Variants in GRIK4 observed in about 807,000 individuals in gnomAD.
The protein encoded by GRIK4 is glutamate receptor ionotropic, kainate 4.
Under a neutral mutation model 104.9 loss-of-function variants are expected in GRIK4, and 40 were observed. That is an observed-to-expected ratio of 0.38 (90% CI 0.30 to 0.50). The LOEUF is 0.50. Among genes scored for constraint, GRIK4 ranks in the 20% least tolerant of loss-of-function variants. The pLI is 0.93. For synonymous variants in GRIK4, 485 were observed against 524.9 expected, an observed-to-expected ratio of 0.92 and a Z score of 1.04; for missense variants, 1,047 against 1,308.1, an observed-to-expected ratio of 0.80 and a Z score of 3.08.
At chr11:120,808,157 T>C (rs565254517) in intron 4 of GRIK4, among the ~76,000 whole-genome samples, 10 of 152,130 alleles carry the variant, frequency 6.6e-5, no homozygotes, top group East Asian at 3.9e-4. Context: ...AGAGTGTACA[T>C]AGGGGCAGAG....
chr11:120,876,434 TGTCATCACCACCACCACCATTGTC>T (rs1954821636), intron 11 of GRIK4, among the ~76,000 whole-genome samples: 1 of 11,084 alleles, frequency 9.0e-5, no homozygotes, highest in Non-Finnish European at 2.0e-4. Context: ...TCACCACCAC[TGTCATCACCACCACCACCATTGTC>T]ATCATTATCA....
intron 1 of GRIK4, among the ~76,000 whole-genome samples, chr11:120,584,185 G>A (rs149949272): frequency 1.3e-5 from 2 of 152,314 alleles, no homozygotes; most frequent in African/African-American, 4.8e-5. Context: ...TAATAGGAGT[G>A]GTGAGAGTAG....
intron 1 of GRIK4, among the ~76,000 whole-genome samples, chr11:120,579,200 G>A (rs1208615543): frequency 6.6e-6 from 1 of 151,810 alleles, no homozygotes; most frequent in Non-Finnish European, 1.5e-5. Context: ...AGGATGATTG[G>A]GAAGTGACAG....
At chr11:120,897,737 T>A (rs1942626501) in intron 11 of GRIK4, among the ~76,000 whole-genome samples, 1 of 151,650 alleles carries the variant, frequency 6.6e-6, no homozygotes, top group South Asian at 2.1e-4. Context: ...GAAAGCAGCA[T>A]GTATTGAGTG....
chr11:120,687,150 T>C (rs200959203), intron 3 of GRIK4, among the ~76,000 whole-genome samples: 1 of 152,244 alleles, frequency 6.6e-6, no homozygotes, highest in South Asian at 2.1e-4. Flanking sequence ...TTGACGCTTA[T>C]GTAAATAGAG....
At chr11:120,709,161 A>C (rs2135349292) in intron 3 of GRIK4, among the ~76,000 whole-genome samples, 1 of 152,180 alleles carries the variant, frequency 6.6e-6, no homozygotes, top group East Asian at 1.9e-4. Flanking sequence ...TGTAGACTTC[A>C]GACCTACTAA....
intron 9 of GRIK4, chr11:120,872,402 A>G (rs772830416): frequency 1.7e-4 from 28 of 162,270 alleles, no homozygotes; most frequent in Non-Finnish European, 2.8e-4. Flanking sequence ...GCATCCCTCC[A>G]TCCAACCGTG....
At chr11:120,850,099 A>G (rs1953940580) in intron 8 of GRIK4, among the ~76,000 whole-genome samples, 3 of 152,064 alleles carry the variant, frequency 2.0e-5, no homozygotes, top group Admixed American at 2.0e-4. Flanking sequence ...CCATCTCATC[A>G]ACAGGGAACC....
chr11:120,675,632 A>G lies in GRIK4; in HGVS notation c.82+15232A>G, dbSNP rs545589802. 4.9e-3 allele frequency among the ~76,000 whole-genome samples: 751 copies of G among 152,276 alleles called. 5 individuals carry two copies. The highest frequency in any genetic ancestry group is 0.017 in the African/African-American group (721 of 41,564). On this transcript the variant is annotated intron_variant, in intron 3 of 20. Coordinates refer to ENST00000527524, the MANE Select transcript of GRIK4 (RefSeq NM_014619.5). ...CTGGATGGCATCATAGGGTAGTGAGACAGGTGTGGGCTTTATTGATGTACA... is the reference window on the plus strand; with the variant it reads ...CTGGATGGCATCATAGGGTAGTGAGGCAGGTGTGGGCTTTATTGATGTACA...
At chr11:120,809,203 G>A (rs1278460311) in intron 4 of GRIK4, among the ~76,000 whole-genome samples, 1 of 152,156 alleles carries the variant, frequency 6.6e-6, no homozygotes, top group African/African-American at 2.4e-5. Flanking sequence ...GGCTTCTAAG[G>A]GGTCTCCAAT....
In GRIK4 at chr11:120,867,584, G is replaced by A. The variant is rs147200650; in HGVS notation, c.906+5464G>A. Among the ~76,000 whole-genome samples, 413 of 151,930 alleles carry A rather than the reference G, an allele frequency of 2.7e-3. 2 individuals carry two copies. The highest frequency in any genetic ancestry group is 8.7e-3 in the African/African-American group (362 of 41,426). ...CTCCTGACTTGGGTAAGGGTCTGCCGCTCTTCCTCACCTTCCGGGTCGGGC... is the reference window on the plus strand; with the variant it reads ...CTCCTGACTTGGGTAAGGGTCTGCCACTCTTCCTCACCTTCCGGGTCGGGC... On this transcript the variant is annotated intron_variant, in intron 9 of 20. Transcript: ENST00000527524.
intron 3 of GRIK4, among the ~76,000 whole-genome samples, chr11:120,791,760 G>T (rs1337069025): frequency 1.3e-5 from 2 of 151,962 alleles, no homozygotes; most frequent in Admixed American, 1.3e-4. Flanking sequence ...GTTAATTTTT[G>T]CATATGGCAT....
intron 1 of GRIK4, among the ~76,000 whole-genome samples, chr11:120,531,768 T>G (rs187470754): frequency 0.011 from 1,669 of 151,586 alleles, 40 homozygotes; most frequent in African/African-American, 0.038. Context: ...TAGAGACGGG[T>G]TTTCACCATG....
At chr11:120,728,058 G>C (rs1000660478) in intron 3 of GRIK4, among the ~76,000 whole-genome samples, 1 of 151,594 alleles carries the variant, frequency 6.6e-6, no homozygotes, top group East Asian at 1.9e-4. Context: ...ATTTAAACTT[G>C]TATATTGAAA....
intron 1 of GRIK4, among the ~76,000 whole-genome samples, chr11:120,614,858 G>C (rs1184319505): frequency 3.3e-5 from 5 of 152,106 alleles, no homozygotes; most frequent in Non-Finnish European, 5.9e-5. Context: ...AATTATCCGG[G>C]TGTGGTGGCG....
intron 13 of GRIK4, among the ~76,000 whole-genome samples, chr11:120,906,695 T>C (rs570540850): frequency 8.1e-4 from 123 of 152,276 alleles, no homozygotes; most frequent in Middle Eastern, 3.4e-3. Flanking sequence ...TGACAAGGGA[T>C]TGGGAAAAGT....
At chr11:120,760,981 T>C (rs1951739421) in intron 3 of GRIK4, among the ~76,000 whole-genome samples, 1 of 152,182 alleles carries the variant, frequency 6.6e-6, no homozygotes, top group Non-Finnish European at 1.5e-5. Context: ...GATTGCTGGG[T>C]CAAATGGTAT....
At chr11:120,912,473 G>T (rs1163531157) in intron 13 of GRIK4, among the ~76,000 whole-genome samples, 2 of 152,202 alleles carry the variant, frequency 1.3e-5, no homozygotes, top group African/African-American at 4.8e-5. Flanking sequence ...TGCTGAAAGA[G>T]AATGGGTAAA....
Position 120,592,335 on chromosome 11 carries a change from C to T in GRIK4, c.-158-61350C>T, listed in dbSNP as rs145767712. Among the ~76,000 whole-genome samples the T allele has an allele frequency of 1.5e-3, 227 of 152,334 alleles. 1 individual carries two copies. The highest frequency in any genetic ancestry group is 4.7e-3 in the African/African-American group (197 of 41,580). ...TGACCTGCTAACGTGTGTGTGCACA[C>T]GCCTCTTCGGAGATGGCCGCCGTCC... On this transcript the variant is annotated intron_variant, in intron 1 of 20. Transcript: ENST00000527524.
Sources: gnomAD v4.1 joint callset for allele counts (sites outside exome capture counted in the v4.1 genomes callset) on GRCh38, gnomAD v4.1.1 for gene constraint, MANE v1.5 for transcripts, NCBI Gene and HGNC (gene_info 2026-07-23, HGNC 2026-07-21) for gene names.